MDGA2: variants seen among roughly 807,000 people sequenced by gnomAD.
The protein encoded by MDGA2 is MAM domain-containing glycosylphosphatidylinositol anchor protein 2.
In MDGA2, 40 loss-of-function variants were observed where a neutral mutation model predicts 117.8. The ratio of observed to expected loss-of-function variants is 0.34; its 90% CI spans 0.26 to 0.44. MDGA2 has a LOEUF of 0.44. MDGA2 is among the 20% of genes least tolerant of loss of function. The probability of loss-of-function intolerance (pLI) is 1.00; values close to 1 mark genes in which losing one functional copy is unlikely to be tolerated. For synonymous variants in MDGA2, 452 were observed against 439.0 expected, an observed-to-expected ratio of 1.03 and a Z score of -0.37; for missense variants, 1,123 against 1,250.6, an observed-to-expected ratio of 0.90 and a Z score of 1.54.
chr14:47,551,258 A>G (rs1895575527), intron 1 of MDGA2, among the ~76,000 whole-genome samples: 1 of 152,154 alleles, frequency 6.6e-6, no homozygotes, highest in African/African-American at 2.4e-5. Context: ...GTTTTCCTTT[A>G]GCCTTTTATC....
intron 3 of MDGA2, among the ~76,000 whole-genome samples, chr14:47,205,900 T>C (rs1885665376): frequency 6.6e-6 from 1 of 152,000 alleles, no homozygotes; most frequent in South Asian, 2.1e-4. Context: ...TCACACAAAA[T>C]CTGCGACACA....
At chr14:47,469,004 T>C (rs111434629) in intron 1 of MDGA2, among the ~76,000 whole-genome samples, 90 of 152,256 alleles carry the variant, frequency 5.9e-4, no homozygotes, top group African/African-American at 2.0e-3. Context: ...TCTATCTGAT[T>C]GCTATATGCA....
chr14:47,472,174 C>T (rs772281500), intron 1 of MDGA2, among the ~76,000 whole-genome samples: 29 of 152,070 alleles, frequency 1.9e-4, no homozygotes, highest in Non-Finnish European at 5.9e-5. Flanking sequence ...TGAGTTACTC[C>T]TATATACATA....
rs1410723207 is a variant in MDGA2, at chr14:47,007,101, G to C, written c.1819+27910C>G. Among the ~76,000 whole-genome samples the C allele has an allele frequency of 2.6e-5, 4 of 151,752 alleles. No individual in the cohort carries two copies. The East Asian group carries it at 7.7e-4, about 29-fold the overall frequency. ...TGGTAACATCCATGGAGGATACATT[G>C]AGGACTTCATATGGAATTTGTATCA... is the stretch of plus-strand genomic sequence containing the variant. On this transcript the variant is annotated intron_variant, in intron 8 of 16. Coordinates refer to ENST00000399232, the MANE Select transcript of MDGA2 (RefSeq NM_001113498.3).
At chr14:47,631,800 G>T (rs976026533) in intron 1 of MDGA2, among the ~76,000 whole-genome samples, 6 of 152,076 alleles carry the variant, frequency 3.9e-5, no homozygotes. Context: ...GCAAGACAAG[G>T]GTTTCTCATA....
chr14:47,091,918 A>C (rs893681062), intron 6 of MDGA2, among the ~76,000 whole-genome samples: 1 of 152,002 alleles, frequency 6.6e-6, no homozygotes, highest in African/African-American at 2.4e-5. Flanking sequence ...ACATGGAACA[A>C]CCTCCCCACC....
chr14:47,346,645 C>T (rs1260570754), intron 1 of MDGA2, among the ~76,000 whole-genome samples: 1 of 152,090 alleles, frequency 6.6e-6, no homozygotes, highest in Non-Finnish European at 1.5e-5. Flanking sequence ...TATTAATATT[C>T]CCTCCAACTG....
At chr14:47,378,546 T>C (rs988430664) in intron 1 of MDGA2, among the ~76,000 whole-genome samples, 2 of 152,138 alleles carry the variant, frequency 1.3e-5, no homozygotes, top group Non-Finnish European at 2.9e-5. Flanking sequence ...CTGAAAACCA[T>C]GGCAGGAGAA....
chr14:47,227,272 A>G (rs1316727853), intron 2 of MDGA2, among the ~76,000 whole-genome samples: 1 of 151,990 alleles, frequency 6.6e-6, no homozygotes, highest in Admixed American at 6.6e-5. Context: ...TTTATTCCCT[A>G]CCCCTGTGAC....
chr14:47,188,987 C>T (rs1035992657), intron 3 of MDGA2, among the ~76,000 whole-genome samples: 1 of 152,126 alleles, frequency 6.6e-6, no homozygotes, highest in African/African-American at 2.4e-5. Context: ...CTACCCCAAC[C>T]AGGTTCTGTC....
intron 2 of MDGA2, among the ~76,000 whole-genome samples, chr14:47,271,984 C>CAAT (rs145850904): frequency 0.031 from 4,717 of 152,162 alleles, 166 homozygotes; most frequent in East Asian, 0.18. Context: ...TCATAAACAA[C>CAAT]GTTTTGCTTT....
intron 1 of MDGA2, among the ~76,000 whole-genome samples, chr14:47,403,490 C>T (rs556506293): frequency 1.8e-4 from 28 of 152,178 alleles, no homozygotes; most frequent in African/African-American, 5.8e-4. Context: ...CTGCAATGAA[C>T]TGATCACTAG....
At chr14:47,094,815 A>T (rs1046441365) in intron 6 of MDGA2, among the ~76,000 whole-genome samples, 18 of 152,134 alleles carry the variant, frequency 1.2e-4, no homozygotes, top group Non-Finnish European at 1.3e-4. Context: ...ATAGAAATGA[A>T]ACAAACACCG....
intron 1 of MDGA2, among the ~76,000 whole-genome samples, chr14:47,563,685 C>CCACTGAAT (rs1895865075): frequency 7.1e-6 from 1 of 140,914 alleles, no homozygotes; most frequent in South Asian, 2.3e-4. Context: ...GTCTCACATA[C>CCACTGAAT]CACTGAATCT....
intron 14 of MDGA2, among the ~76,000 whole-genome samples, chr14:46,864,083 C>A (rs1205443575): frequency 6.7e-6 from 1 of 149,428 alleles, no homozygotes; most frequent in Non-Finnish European, 1.5e-5. Flanking sequence ...ACCCCCCACC[C>A]CACAACAGTG....
chr14:47,387,804 A>T (rs978944095), intron 1 of MDGA2, among the ~76,000 whole-genome samples: 1 of 152,170 alleles, frequency 6.6e-6, no homozygotes, highest in African/African-American at 2.4e-5. Flanking sequence ...CATAGATCTC[A>T]CCATCTCTCT....
intron 1 of MDGA2, among the ~76,000 whole-genome samples, chr14:47,376,052 G>C (rs1200607120): frequency 2.0e-5 from 3 of 152,072 alleles, no homozygotes; most frequent in African/African-American, 7.2e-5. Context: ...AACTCCCACT[G>C]TATTTACTTC....
At chr14:47,070,511 C>A (rs924260657) in intron 6 of MDGA2, among the ~76,000 whole-genome samples, 2 of 152,286 alleles carry the variant, frequency 1.3e-5, no homozygotes, top group African/African-American at 4.8e-5. Flanking sequence ...GAGCCTAACT[C>A]TGAAATGTGA....
chr14:47,452,371 C>T lies in MDGA2; in HGVS notation c.281-150821G>A, dbSNP rs56754604. ...GAATAAAGGTAACAATGAATGAAAT[C>T]AACTATATCATGACAAAAGTAAATC... On this transcript the variant is annotated intron_variant, in intron 1 of 16. Coordinates refer to ENST00000399232, the MANE Select transcript of MDGA2 (RefSeq NM_001113498.3). 2.7e-3 allele frequency among the ~76,000 whole-genome samples: 411 copies of T among 152,152 alleles called. 2 individuals are homozygous for T. The highest frequency in any genetic ancestry group is 9.4e-3 in the African/African-American group (392 of 41,542).
Sources: gnomAD v4.1 joint callset for allele counts (sites outside exome capture counted in the v4.1 genomes callset) on GRCh38, gnomAD v4.1.1 for gene constraint, MANE v1.5 for transcripts, NCBI Gene and HGNC (gene_info 2026-07-23, HGNC 2026-07-21) for gene names.